Variants in EML5 observed in about 807,000 individuals in gnomAD.
The protein encoded by EML5 is echinoderm microtubule-associated protein-like 5.
EML5 carries 120 observed loss-of-function variants against 250.0 expected under a neutral mutation model. The observed-to-expected ratio is 0.48, with a 90% CI of 0.41 to 0.56. EML5 has a LOEUF of 0.56. Among genes scored for constraint, EML5 ranks in the 20% least tolerant of loss-of-function variants. The probability of loss-of-function intolerance (pLI) is 0.00; values close to 1 mark genes in which losing one functional copy is unlikely to be tolerated. For synonymous variants in EML5, 771 were observed against 806.5 expected, an observed-to-expected ratio of 0.96 and a Z score of 0.75; for missense variants, 2,006 against 2,437.6, an observed-to-expected ratio of 0.82 and a Z score of 3.73.
chr14:88,759,426 G>A (rs929799139), intron 1 of EML5, among the ~76,000 whole-genome samples: 5 of 152,064 alleles, frequency 3.3e-5, no homozygotes, highest in Non-Finnish European at 7.4e-5. Flanking sequence ...GCTTGTGTCT[G>A]TAAACCCAGT....
chr14:88,712,354 T>A lies in EML5; in HGVS notation c.1574A>T (p.Asp525Val), dbSNP rs1323883520. The A allele has an allele frequency of 6.2e-7, 1 of 1,613,310 alleles. No homozygotes were observed. The highest frequency in any genetic ancestry group is 8.5e-7 in the Non-Finnish European group (1 of 1,179,574). ...YSDINDINSVDGNYIGQVLVT... is the reference protein window; with the variant it reads ...YSDINDINSVVGNYIGQVLVT... ...TAAAACTTGGCCAATATAATTTCCA[T>A]CTACTGAATTTATATCGTTGATATC... The change falls in exon 10 of 44, where the codon GAT (aspartate) becomes GTT (valine). Residue 525 changes from aspartate (D) to valine (V), a missense_variant. Around this residue, in one of 7 missense-constraint regions of EML5, gnomAD observed 1,375 missense variants for 1,590.3 expected, o/e 0.86. Transcript: ENST00000554922.
rs1181951518 is a variant in EML5 at position 88,682,036 on chromosome 14, A to G, written c.2983-5T>C. The stretch of plus-strand genomic sequence containing the variant: ...CACCTCTCCTTCCATGTGTCCCTAT[A>G]AAGAAAACATAGGATCAATTTAGTG... On this transcript the variant is annotated splice_polypyrimidine_tract_variant and splice_region_variant and intron_variant, in intron 20 of 43. Coordinates refer to ENST00000554922, the MANE Select transcript of EML5 (RefSeq NM_183387.3). The G allele has an allele frequency of 1.3e-6, 2 of 1,585,400 alleles. No individual in the cohort carries two copies. Among genetic ancestry groups the G allele is most frequent in the East Asian group, 2.3e-5 (1 of 44,350 alleles).
At chr14:88,672,423 T>C (rs1183948840) in intron 21 of EML5, among the ~76,000 whole-genome samples, 1 of 152,122 alleles carries the variant, frequency 6.6e-6, no homozygotes, top group African/African-American at 2.4e-5. Context: ...TGTATAGCCC[T>C]AAATGCCCAC....
Position 88,712,478 on chromosome 14 carries a change from T to C in EML5, c.1450A>G (p.Lys484Glu), listed in dbSNP as rs1256517873. 6.2e-7 allele frequency: 1 copy of C among 1,608,620 alleles called. No individual in the cohort carries two copies. Among genetic ancestry groups the C allele is most frequent in the African/African-American group, 1.3e-5 (1 of 74,812 alleles). Residue 484 changes from lysine (K) to glutamate (E), a missense_variant, in exon 10 of 44, where the codon AAG becomes GAG. Around this residue, in one of 7 missense-constraint regions of EML5, gnomAD observed 1,375 missense variants for 1,590.3 expected, o/e 0.86. Coordinates refer to ENST00000554922, the MANE Select transcript of EML5 (RefSeq NM_183387.3). ...ATTTCTTCTGTACTTGTCACTTCCT[T>C]TCCTCCTAAAAATAAATCAGAGTCT... is the stretch of plus-strand genomic sequence containing the variant. ...KRLFYRMPGG[K>E]EVTSTEEIKG...
intron 2 of EML5, among the ~76,000 whole-genome samples, chr14:88,752,152 T>A (rs1447920685): frequency 2.6e-5 from 4 of 152,154 alleles, no homozygotes; most frequent in Non-Finnish European, 4.4e-5. Context: ...GTAAGTGAAA[T>A]TAAACACTTT....
chr14:88,728,974 T>G (rs572612915), intron 7 of EML5, among the ~76,000 whole-genome samples: 1 of 152,190 alleles, frequency 6.6e-6, no homozygotes, highest in African/African-American at 2.4e-5. Context: ...AAATTGTTAC[T>G]AGTTTATAGG....
intron 28 of EML5, 38 bp from the exon 29 acceptor site, chr14:88,646,993 C>T: frequency 6.3e-7 from 1 of 1,581,756 alleles, no homozygotes; most frequent in Non-Finnish European, 8.5e-7. Context: ...AAGATTACAA[C>T]ATAAATTTGA....
chr14:88,631,641 T>A (rs925492227), intron 33 of EML5, among the ~76,000 whole-genome samples: 3 of 152,094 alleles, frequency 2.0e-5, no homozygotes, highest in Non-Finnish European at 1.5e-5. Context: ...GTGGTGGCAG[T>A]CGCCTGTAAT....
Position 88,616,140 on chromosome 14 carries a change from A to ACCTGCAGTCATCACCT in EML5, c.5883_5897+1dup. On this transcript the variant is annotated splice_donor_variant, in intron 43 of 43. Transcript: ENST00000554922. LOFTEE classifies it high-confidence loss of function. ...TCTTCATGGGCTGAGAAAGTTACTA[A>ACCTGCAGTCATCACCT]CCTGCAGTCATCACCTCCAGCACTA... 6.2e-7 allele frequency: 1 copy of ACCTGCAGTCATCACCT among 1,613,684 alleles called. No individual in the cohort carries two copies. Among genetic ancestry groups the ACCTGCAGTCATCACCT allele is most frequent in the Non-Finnish European group, 8.5e-7 (1 of 1,179,648 alleles).
chr14:88,705,892 A>T, intron 11 of EML5: 1 of 565,650 alleles, frequency 1.8e-6, no homozygotes, highest in Non-Finnish European at 3.3e-6. Context: ...AACATGAAAA[A>T]TAGCTAAAAA....
intron 7 of EML5, among the ~76,000 whole-genome samples, chr14:88,728,568 G>C (rs189247780): frequency 2.6e-5 from 4 of 152,236 alleles, no homozygotes; most frequent in African/African-American, 7.2e-5. Context: ...TTAAGTAGAA[G>C]TGGATCATCA....
intron 33 of EML5, among the ~76,000 whole-genome samples, chr14:88,632,014 G>T (rs1485645895): frequency 6.6e-6 from 1 of 152,066 alleles, no homozygotes; most frequent in Non-Finnish European, 1.5e-5. Context: ...AAATCTACCA[G>T]TCTTCTTATA....
Position 88,792,378 on chromosome 14 carries a change from C to G in EML5, c.126G>C (p.Gly42=). ...AAKEIVYFVA[G]VGVVYSPREH... is the part of the protein sequence containing the mutation. ...CCCGCGGGCTGTACACCACGCCGAC[C>G]CCCGCCACGAAGTATACGATCTCCT... The change falls in exon 1 of 44, where the codon GGG becomes GGC. Residue 42 remains glycine, a synonymous_variant. Coordinates refer to ENST00000554922, the MANE Select transcript of EML5 (RefSeq NM_183387.3). This position sits in a 1 kb window ranked among gnomAD's most constrained non-coding sequence, Gnocchi z 6.9. 6.4e-7 allele frequency: 1 copy of G among 1,571,224 alleles called. No individual in the cohort carries two copies. Among genetic ancestry groups the G allele is most frequent in the Non-Finnish European group, 8.6e-7 (1 of 1,160,252 alleles).
At chr14:88,642,366 A>C (rs895114303) in intron 31 of EML5, among the ~76,000 whole-genome samples, 3 of 152,200 alleles carry the variant, frequency 2.0e-5, no homozygotes, top group Non-Finnish European at 4.4e-5. Flanking sequence ...AGTTAAATGA[A>C]CATCAAGAAA....
chr14:88,712,103 A>G (rs2093418110), intron 10 of EML5, among the ~76,000 whole-genome samples, 168 bp downstream of exon 10: 1 of 152,258 alleles, frequency 6.6e-6, no homozygotes, highest in Non-Finnish European at 1.5e-5. Context: ...CATGACCAAA[A>G]TAAATGCAGC....
intron 28 of EML5, among the ~76,000 whole-genome samples, chr14:88,648,543 G>C (rs1182839299): frequency 6.6e-6 from 1 of 152,006 alleles, no homozygotes; most frequent in Admixed American, 6.5e-5. Context: ...TTTTTGTAGA[G>C]ACGGTGCCTC....
chr14:88,712,764 CTT>C (rs1391539780), intron 9 of EML5, among the ~76,000 whole-genome samples: 1 of 151,942 alleles, frequency 6.6e-6, no homozygotes, highest in Non-Finnish European at 1.5e-5. Flanking sequence ...AAAACTGAAT[CTT>C]ATTTAAAAAA....
chr14:88,738,417 GAA>G (rs538196237), intron 6 of EML5, among the ~76,000 whole-genome samples: 5 of 135,354 alleles, frequency 3.7e-5, no homozygotes, highest in South Asian at 2.3e-4. Flanking sequence ...ATCCCCAAGA[GAA>G]AAAAAAAAAA....
intron 20 of EML5, among the ~76,000 whole-genome samples, chr14:88,682,735 G>A (rs1224079710): frequency 6.6e-6 from 1 of 152,200 alleles, no homozygotes; most frequent in Non-Finnish European, 1.5e-5. Flanking sequence ...CAGCTGACAG[G>A]TGGGAGATAA....
Sources: allele counts gnomAD v4.1 joint callset (sites outside exome capture counted in the v4.1 genomes callset), GRCh38; gene constraint gnomAD v4.1.1; regional missense constraint gnomAD v4.1.1; non-coding constraint Gnocchi (gnomAD v3.1); transcripts MANE v1.5; gene names NCBI Gene and HGNC (gene_info 2026-07-23, HGNC 2026-07-21).